The following CDKAL1 variants were observed in gnomAD, a reference collection of about 807,000 sequenced individuals.
CDKAL1 encodes the protein CDKAL1 threonylcarbamoyladenosine tRNA methylthiotransferase, also known as threonylcarbamoyladenosine tRNA methylthiotransferase.
In CDKAL1, 32 loss-of-function variants were observed where a neutral mutation model predicts 68.2. The observed-to-expected ratio is 0.47, with a 90% CI of 0.35 to 0.63. The LOEUF (loss-of-function observed/expected upper bound fraction) is 0.63, where lower values mean the gene tolerates loss of function less well. CDKAL1 is among the 30% of genes least tolerant of loss of function. The pLI, the probability that CDKAL1 is intolerant of heterozygous loss-of-function variation, is 0.00. For missense variants in CDKAL1, 606 were observed against 696.7 expected (o/e 0.87, Z 1.47); for synonymous variants, 234 against 244.3 (o/e 0.96, Z 0.39).
At chr6:21,201,333 A>T in intron 15 of CDKAL1, 59 bp downstream of exon 15, 2 of 1,421,120 alleles carry the variant, frequency 1.4e-6, no homozygotes, top group Non-Finnish European at 1.9e-6. Flanking sequence ...GTGGAAGCAC[A>T]GTGATTCCAG....
intron 15 of CDKAL1, among the ~76,000 whole-genome samples, chr6:21,207,652 G>C (rs1337465344): frequency 6.6e-5 from 10 of 152,182 alleles, no homozygotes; most frequent in Admixed American, 5.9e-4. Context: ...TCTTGGGCAA[G>C]TTACTCAATG....
At chr6:20,858,770 C>T (rs1040946208) in intron 9 of CDKAL1, among the ~76,000 whole-genome samples, 2 of 151,894 alleles carry the variant, frequency 1.3e-5, no homozygotes, top group African/African-American at 4.8e-5. Flanking sequence ...CAGAAAATGT[C>T]TTATAATGTT....
intron 6 of CDKAL1, among the ~76,000 whole-genome samples, chr6:20,751,791 T>G (rs1312916238): frequency 1.3e-5 from 2 of 152,312 alleles, no homozygotes; most frequent in East Asian, 3.9e-4. Context: ...CTGCCTGTCT[T>G]TTTTTGTGTG....
At chr6:21,084,124 T>C (rs1442323796) in intron 12 of CDKAL1, among the ~76,000 whole-genome samples, 1 of 152,188 alleles carries the variant, frequency 6.6e-6, no homozygotes, top group African/African-American at 2.4e-5. Flanking sequence ...CTCAAAACTC[T>C]CAGTGGTTTA....
intron 4 of CDKAL1, among the ~76,000 whole-genome samples, chr6:20,608,690 A>G (rs1766442747): frequency 6.6e-6 from 1 of 152,188 alleles, no homozygotes; most frequent in Non-Finnish European, 1.5e-5. Context: ...GGTGTAGTCA[A>G]ACAATTGGAG....
At chr6:21,115,085 A>T (rs9356764) in intron 13 of CDKAL1, among the ~76,000 whole-genome samples, 1 of 151,998 alleles carries the variant, frequency 6.6e-6, no homozygotes, top group Non-Finnish European at 1.5e-5. Flanking sequence ...AAGACTAGGC[A>T]TCTCTGTGAC....
At chr6:20,818,386 A>G (rs1777137196) in intron 8 of CDKAL1, among the ~76,000 whole-genome samples, 1 of 152,164 alleles carries the variant, frequency 6.6e-6, no homozygotes, top group Non-Finnish European at 1.5e-5. Context: ...ATAAATAGCA[A>G]TCCAGCATCA....
At chr6:20,548,472 G>T (rs1763689916) in intron 3 of CDKAL1, 121 bp from the exon 4 acceptor site, 2 of 652,350 alleles carry the variant, frequency 3.1e-6, no homozygotes, top group South Asian at 1.7e-5. Context: ...GGTTGAGGTT[G>T]CAGTGAGCTG....
chr6:20,585,714 C>G (rs143166310), intron 4 of CDKAL1, among the ~76,000 whole-genome samples: 185 of 152,268 alleles, frequency 1.2e-3, no homozygotes, highest in Non-Finnish European at 1.3e-3. Flanking sequence ...CACTGGCTGC[C>G]CCTTCAGTCA....
intron 13 of CDKAL1, among the ~76,000 whole-genome samples, chr6:21,115,561 G>A (rs147256982): frequency 1.3e-5 from 2 of 152,304 alleles, no homozygotes; most frequent in Non-Finnish European, 2.9e-5. Flanking sequence ...AAAGCCATTT[G>A]TGCACTTAAC....
chr6:21,165,181 A>G (rs1223242115), intron 13 of CDKAL1, among the ~76,000 whole-genome samples: 1 of 152,222 alleles, frequency 6.6e-6, no homozygotes. Flanking sequence ...TTTCTGTTTC[A>G]GGAGAAGAAG....
intron 11 of CDKAL1, among the ~76,000 whole-genome samples, chr6:21,019,990 A>G (rs1044407662): frequency 3.3e-5 from 5 of 152,030 alleles, no homozygotes; most frequent in Non-Finnish European, 4.4e-5. Context: ...ATGCTTTTCT[A>G]ACACCAGTGT....
At chr6:20,637,420 G>A (rs145057191) in intron 4 of CDKAL1, among the ~76,000 whole-genome samples, 12 of 151,890 alleles carry the variant, frequency 7.9e-5, no homozygotes, top group Admixed American at 5.2e-4. Flanking sequence ...AAAATTAGCC[G>A]GGTGTGGTGG....
intron 15 of CDKAL1, among the ~76,000 whole-genome samples, chr6:21,226,115 T>A (rs1260319018): frequency 1.3e-5 from 2 of 152,316 alleles, no homozygotes; most frequent in East Asian, 3.9e-4. Context: ...ATCTGTGCCT[T>A]GTGGCGTGAA....
chr6:20,598,795 T>C (rs188619008), intron 4 of CDKAL1, among the ~76,000 whole-genome samples: 12 of 152,252 alleles, frequency 7.9e-5, no homozygotes, highest in Non-Finnish European at 1.2e-4. Context: ...TGCTTAAACA[T>C]TGGCGTTTTT....
At chr6:20,918,687 G>C (rs149770075) in intron 9 of CDKAL1, among the ~76,000 whole-genome samples, 1 of 152,194 alleles carries the variant, frequency 6.6e-6, no homozygotes, top group Non-Finnish European at 1.5e-5. Flanking sequence ...TTTTAGGCTG[G>C]AGTTGATAAT....
At chr6:20,589,627 C>T (rs1005505917) in intron 4 of CDKAL1, among the ~76,000 whole-genome samples, 4 of 152,118 alleles carry the variant, frequency 2.6e-5, no homozygotes, top group African/African-American at 4.8e-5. Context: ...GGAAAGTGGA[C>T]GGCCTTCACA....
chr6:21,131,133 T>C (rs1034847093), intron 13 of CDKAL1, among the ~76,000 whole-genome samples: 3 of 152,204 alleles, frequency 2.0e-5, no homozygotes, highest in Non-Finnish European at 4.4e-5. Flanking sequence ...ATTGTCTACC[T>C]TTTATATAGT....
intron 13 of CDKAL1, among the ~76,000 whole-genome samples, chr6:21,132,409 C>T (rs1411615533): frequency 1.3e-5 from 2 of 152,034 alleles, no homozygotes; most frequent in Non-Finnish European, 2.9e-5. Context: ...GAAGTCAGCC[C>T]TATTTTGGAA....
Sources: allele counts gnomAD v4.1 joint callset (sites outside exome capture counted in the v4.1 genomes callset), GRCh38; gene constraint gnomAD v4.1.1; transcripts MANE v1.5; gene names NCBI Gene and HGNC (gene_info 2026-07-23, HGNC 2026-07-21).